Variants in CNTN6 observed in about 807,000 individuals in gnomAD.
CNTN6 encodes the protein contactin-6.
A neutral mutation model predicts 122.8 loss-of-function variants in CNTN6; 137 were observed. That is an observed-to-expected ratio of 1.12 (90% CI 0.97 to 1.29). The LOEUF is 1.29. Ranked by LOEUF, CNTN6 falls within the 50% of genes most tolerant of loss-of-function variation. The pLI is 0.00. For missense variants in CNTN6, 1,634 were observed against 1,223.4 expected, an observed-to-expected ratio of 1.34 and a Z score of -5.01; for synonymous variants, 570 against 426.0, an observed-to-expected ratio of 1.34 and a Z score of -4.16.
At chr3:1,368,382 T>G (rs1708526715) in intron 12 of CNTN6, among the ~76,000 whole-genome samples, 1 of 152,220 alleles carries the variant, frequency 6.6e-6, no homozygotes, top group South Asian at 2.1e-4. Flanking sequence ...TAGAAAAATA[T>G]TGGTGAAGAG....
chr3:1,119,354 G>GTGTGTGTGTGT (rs1339996215), intron 1 of CNTN6, among the ~76,000 whole-genome samples: 15 of 8,816 alleles, frequency 1.7e-3, no homozygotes, highest in African/African-American at 4.3e-3. Flanking sequence ...TGTGTGTGTG[G>GTGTGTGTGTGT]AGAATGTCTC....
intron 1 of CNTN6, among the ~76,000 whole-genome samples, chr3:1,139,816 C>T (rs1351907314): frequency 6.6e-6 from 1 of 152,074 alleles, no homozygotes; most frequent in Non-Finnish European, 1.5e-5. Context: ...TTGGCATTTG[C>T]CTTACTTGAG....
At chr3:1,245,754 A>C (rs1314124933) in intron 4 of CNTN6, among the ~76,000 whole-genome samples, 2 of 152,056 alleles carry the variant, frequency 1.3e-5, no homozygotes, top group Admixed American at 6.6e-5. Flanking sequence ...CAAACAAATA[A>C]ACAGCAAATA....
chr3:1,112,298 T>C (rs1446082202), intron 1 of CNTN6, among the ~76,000 whole-genome samples: 1 of 152,120 alleles, frequency 6.6e-6, no homozygotes, highest in Non-Finnish European at 1.5e-5. Context: ...AGAAGTTTAT[T>C]AGAAAAATTG....
At chr3:1,368,484 A>G (rs1164308631) in intron 12 of CNTN6, among the ~76,000 whole-genome samples, 1 of 152,224 alleles carries the variant, frequency 6.6e-6, no homozygotes, top group Non-Finnish European at 1.5e-5. Flanking sequence ...AAACAGTCTT[A>G]ATGGTTTCAT....
chr3:1,136,111 A>G (rs979436671), intron 1 of CNTN6, among the ~76,000 whole-genome samples: 4 of 152,172 alleles, frequency 2.6e-5, no homozygotes, highest in Admixed American at 2.6e-4. Context: ...TTAATAAGTT[A>G]ATCCCTTATG....
Position 1,158,675 on chromosome 3 carries a change from C to G in CNTN6, c.55+10612C>G, listed in dbSNP as rs1191647527. ...GCACCCTCAAATTTGTGAGCTTGAA[C>G]TATCTTCCCACCTCCACCTCCTGAC... On this transcript the variant is annotated intron_variant, in intron 2 of 22. Coordinates refer to ENST00000446702, the MANE Select transcript of CNTN6 (RefSeq NM_001289080.2). Among the ~76,000 whole-genome samples, 3 of 150,980 alleles carry G rather than the reference C, an allele frequency of 2.0e-5. No homozygotes were observed. In the East Asian group the frequency reaches 5.9e-4, roughly 30 times the overall value.
intron 2 of CNTN6, among the ~76,000 whole-genome samples, chr3:1,197,841 C>G (rs1448481102): frequency 6.6e-6 from 1 of 152,152 alleles, no homozygotes; most frequent in Non-Finnish European, 1.5e-5. Flanking sequence ...ATCTCAAAGT[C>G]TGCTCTATTA....
chr3:1,113,444 G>A (rs2091574179), intron 1 of CNTN6, among the ~76,000 whole-genome samples: 1 of 152,112 alleles, frequency 6.6e-6, no homozygotes, highest in Non-Finnish European at 1.5e-5. Flanking sequence ...ATTATCATAT[G>A]AAAAATGTGA....
chr3:1,334,179 A>G (rs1013527227), intron 11 of CNTN6, among the ~76,000 whole-genome samples: 5 of 152,118 alleles, frequency 3.3e-5, no homozygotes, highest in African/African-American at 7.2e-5. Flanking sequence ...CTGGGAATGA[A>G]TGGTCATGCA....
chr3:1,269,870 T>C lies in CNTN6; in HGVS notation c.359-8543T>C, dbSNP rs546974520. Among the ~76,000 whole-genome samples the C allele has an allele frequency of 9.9e-4, 151 of 152,306 alleles. 1 individual carries two copies. Among genetic ancestry groups the C allele is most frequent in the African/African-American group, 3.4e-3 (142 of 41,562 alleles). Reference sequence around the variant, plus strand: ...AGAAACAACGCATTTTTTTCTCTACTTATATATAAATTTTTACGAAAATTC... The same window carrying C: ...AGAAACAACGCATTTTTTTCTCTACCTATATATAAATTTTTACGAAAATTC... On this transcript the variant is annotated intron_variant, in intron 4 of 22. Coordinates refer to ENST00000446702, the MANE Select transcript of CNTN6 (RefSeq NM_001289080.2).
intron 4 of CNTN6, among the ~76,000 whole-genome samples, chr3:1,247,621 T>C (rs17036319): frequency 0.059 from 8,958 of 152,210 alleles, 351 homozygotes; most frequent in East Asian, 0.15. Flanking sequence ...ATATCTTTCA[T>C]TGGATAAAAA....
intron 2 of CNTN6, among the ~76,000 whole-genome samples, chr3:1,154,310 T>C (rs1227321521): frequency 6.6e-6 from 1 of 152,186 alleles, no homozygotes; most frequent in Non-Finnish European, 1.5e-5. Flanking sequence ...CCATGAAGTC[T>C]TTGAAGGAGA....
intron 5 of CNTN6, among the ~76,000 whole-genome samples, chr3:1,295,359 T>C (rs1257961841): frequency 2.6e-5 from 4 of 152,188 alleles, no homozygotes; most frequent in South Asian, 4.1e-4. Context: ...CCTATTGTTA[T>C]ATCCTTAATC....
At chr3:1,178,914 T>A (rs946813588) in intron 2 of CNTN6, among the ~76,000 whole-genome samples, 1 of 152,158 alleles carries the variant, frequency 6.6e-6, no homozygotes. Flanking sequence ...AACTCTCTGT[T>A]AGTCCATTTG....
At chr3:1,194,196 GCCC>G (rs1404782208) in intron 2 of CNTN6, among the ~76,000 whole-genome samples, 3 of 152,024 alleles carry the variant, frequency 2.0e-5, no homozygotes, top group Admixed American at 2.0e-4. Context: ...GGTGAGCGCT[GCCC>G]CAAGAATGTT....
intron 4 of CNTN6, among the ~76,000 whole-genome samples, chr3:1,257,848 C>T (rs778380269): frequency 6.6e-6 from 1 of 152,102 alleles, no homozygotes; most frequent in Non-Finnish European, 1.5e-5. Flanking sequence ...GGCAGCACTG[C>T]CTAGATACTA....
chr3:1,224,276 G>A (rs998715190), intron 3 of CNTN6, among the ~76,000 whole-genome samples: 18 of 152,228 alleles, frequency 1.2e-4, no homozygotes, highest in African/African-American at 4.3e-4. Context: ...GGAGGGGCAG[G>A]AAGGGAAAGG....
intron 7 of CNTN6, among the ~76,000 whole-genome samples, chr3:1,304,586 C>A (rs575733673): frequency 6.6e-6 from 1 of 152,186 alleles, no homozygotes; most frequent in African/African-American, 2.4e-5. Flanking sequence ...AAGAATTCAG[C>A]AAAATGTTAA....
Sources: gnomAD v4.1 joint callset for allele counts (sites outside exome capture counted in the v4.1 genomes callset) on GRCh38, gnomAD v4.1.1 for gene constraint, MANE v1.5 for transcripts, NCBI Gene and HGNC (gene_info 2026-07-23, HGNC 2026-07-21) for gene names.